TESMIN: variants seen among roughly 807,000 people sequenced by gnomAD.
TESMIN encodes the protein CXC domain containing 2.
A neutral mutation model predicts 47.4 loss-of-function variants in TESMIN; 34 were observed. The observed-to-expected ratio is 0.72, with a 90% CI of 0.55 to 0.96. TESMIN has a LOEUF of 0.96. TESMIN is among the 40% of genes least tolerant of loss of function. TESMIN has a pLI of 0.00. For missense variants in TESMIN, 610 were observed against 637.2 expected (o/e 0.96, Z 0.46); for synonymous variants, 278 against 258.9 (o/e 1.07, Z -0.71).
chr11:68,750,403 GC>G lies in TESMIN; in HGVS notation c.257del (p.Gly86AlafsTer70). 6.6e-7 allele frequency: 1 copy of G among 1,519,466 alleles called. No individual in the cohort carries two copies. Among genetic ancestry groups the G allele is most frequent in the South Asian group, 1.2e-5 (1 of 80,684 alleles). The allele number at this position is 1,519,466 out of a possible 1,614,324, so 94.1% of individuals were successfully genotyped here. ...KGQVKAKLAG[G>X]DSDGGELLGE... Reference sequence around the variant, plus strand: ...CGAGGAGCTCCCCGCCGTCGCTGTCGCCCCCCGCGAGCTTCGCCTTGACCTG... The same window carrying G: ...CGAGGAGCTCCCCGCCGTCGCTGTCGCCCCCGCGAGCTTCGCCTTGACCTG... On this transcript the variant is annotated frameshift_variant, in exon 2 of 10. Transcript: ENST00000255087. LOFTEE classifies it high-confidence loss of function.
At chr11:68,747,013 A>G in intron 3 of TESMIN, 195 bp downstream of exon 3, 1 of 609,280 alleles carries the variant, frequency 1.6e-6, no homozygotes. Context: ...ATTTGCTAAG[A>G]TGGAGTAGAA....
At chr11:68,737,361 T>C in intron 6 of TESMIN, 1 of 985,502 alleles carries the variant, frequency 1.0e-6, no homozygotes, top group Non-Finnish European at 1.2e-6. Context: ...GAAGCAGCGG[T>C]GCCCAGGAGC....
chr11:68,738,017 G>T lies in TESMIN; in HGVS notation c.917+683C>A, dbSNP rs182920513. ...GCTGATCTCCATAATCAACTACAGGGCTCAACGAATGGAGAGGGTTGCCCA... is the reference window on the plus strand; with the variant it reads ...GCTGATCTCCATAATCAACTACAGGTCTCAACGAATGGAGAGGGTTGCCCA... On this transcript the variant is annotated intron_variant, in intron 6 of 9. Coordinates refer to ENST00000255087, the MANE Select transcript of TESMIN (RefSeq NM_004923.3). 911 of 985,512 alleles carry T rather than the reference G, an allele frequency of 9.2e-4. 1 individual carries two copies. The highest frequency in any genetic ancestry group is 1.1e-3 in the Non-Finnish European group (892 of 829,996). The allele number at this position is 985,512 out of a possible 1,614,324, so 61.0% of individuals were successfully genotyped here. A position where few individuals can be genotyped will look rare whatever the true frequency, so the allele number is the denominator to read the frequency against.
chr11:68,750,802 CCAGGGGAGGGGACCAGGTGAGGGG>C, intron 1 of TESMIN, 103 bp from the exon 2 acceptor site: 1 of 76,748 alleles, frequency 1.3e-5, no homozygotes, highest in Non-Finnish European at 2.2e-5. Flanking sequence ...GGAGGGGCGG[CCAGGGGAGGGGACCAGGTGAGGGG>C]CGGCTAGGGG....
At position 68,736,165 on chromosome 11, in the gene TESMIN, A is replaced by T. The variant is rs1946384653; in HGVS notation, c.917+2535T>A. 7 of 985,256 alleles carry T rather than the reference A, an allele frequency of 7.1e-6. No homozygotes were observed. In the South Asian group the frequency reaches 3.3e-4, roughly 46 times the overall value. The allele number at this position is 985,256 out of a possible 1,614,324, so 61.0% of individuals were successfully genotyped here. A position where few individuals can be genotyped will look rare whatever the true frequency, so the allele number is the denominator to read the frequency against. On this transcript the variant is annotated intron_variant, in intron 6 of 9. Transcript: ENST00000255087. ...AATATTCTTTATTATGATGTTCATT[A>T]TGTTACTAAAACCAGTAGCATCAAC... is the stretch of plus-strand genomic sequence containing the variant.
At chr11:68,728,980 T>C (rs560519778) in intron 6 of TESMIN, among the ~76,000 whole-genome samples, 7 of 152,222 alleles carry the variant, frequency 4.6e-5, no homozygotes, top group Non-Finnish European at 1.0e-4. Context: ...GAGATTAATA[T>C]TGTTCTCATG....
intron 7 of TESMIN, among the ~76,000 whole-genome samples, chr11:68,714,923 T>G (rs2153990841): frequency 6.6e-6 from 1 of 152,364 alleles, no homozygotes; most frequent in African/African-American, 2.4e-5. Flanking sequence ...CAGTTTTAAC[T>G]GTAGATAGTA....
At chr11:68,723,285 A>G (rs1253359353) in intron 6 of TESMIN, among the ~76,000 whole-genome samples, 1 of 151,948 alleles carries the variant, frequency 6.6e-6, no homozygotes, top group African/African-American at 2.4e-5. Context: ...ATGTATATAT[A>G]ATACAAATGT....
In TESMIN at chr11:68,713,344, C is replaced by T. The variant is rs1308589953; in HGVS notation, c.1084G>A (p.Val362Ile). 2.5e-6 allele frequency: 4 copies of T among 1,614,066 alleles called. No individual in the cohort carries two copies. In the African/African-American group the frequency reaches 5.3e-5, roughly 22 times the overall value. ...PKIGKGQLGN[V>I]KPQHNKGCNC... is the part of the protein sequence containing the mutation. ...CACCCTTTGTTGTGCTGGGGCTTGACATTGCCCAATTGGCCCTTCCCAATT... is the reference window on the plus strand; with the variant it reads ...CACCCTTTGTTGTGCTGGGGCTTGATATTGCCCAATTGGCCCTTCCCAATT... The change falls in exon 8 of 10, where the codon GTC becomes ATC. Residue 362 changes from valine to isoleucine, a missense_variant. Transcript: ENST00000255087.
In TESMIN at chr11:68,736,710, CAT is replaced by C. The variant is rs571115523; in HGVS notation, c.917+1988_917+1989del. ...TTGTAACATTCAAAATAAAGAAAAA[CAT>C]GTGACTGATTGAAAATAATCTAGTA... On this transcript the variant is annotated intron_variant, in intron 6 of 9. Transcript: ENST00000255087. 7,287 of 980,134 alleles carry C rather than the reference CAT, an allele frequency of 7.4e-3. 25 individuals carry two copies. Among genetic ancestry groups the C allele is most frequent in the Middle Eastern group, 0.017 (32 of 1,914 alleles). 60.7% of individuals were successfully genotyped at this position (980,134 alleles called of 1,614,324 possible). A position where few individuals can be genotyped will look rare whatever the true frequency, so the allele number is the denominator to read the frequency against.
In TESMIN at chr11:68,714,130, T is replaced by A. The variant is rs376670707; in HGVS notation, c.1021-723A>T. 2.6e-5 allele frequency among the ~76,000 whole-genome samples: 4 copies of A among 152,230 alleles called. No individual in the cohort carries two copies. The East Asian group carries it at 7.7e-4, about 29-fold the overall frequency. On this transcript the variant is annotated intron_variant, in intron 7 of 9. Transcript: ENST00000255087. Reference sequence around the variant, plus strand: ...TCAACGCTCTTTGTAAAAATTCAAATACAGAGGTCACAGTGGAAGTCTGTG... The same window carrying A: ...TCAACGCTCTTTGTAAAAATTCAAAAACAGAGGTCACAGTGGAAGTCTGTG...
At chr11:68,741,352 A>C (rs975917719) in intron 5 of TESMIN, among the ~76,000 whole-genome samples, 4 of 152,152 alleles carry the variant, frequency 2.6e-5, no homozygotes, top group African/African-American at 9.7e-5. Flanking sequence ...CACAGAGCTC[A>C]TTCCCTCATC....
intron 6 of TESMIN, among the ~76,000 whole-genome samples, chr11:68,716,842 C>A (rs1946145513): frequency 6.6e-6 from 1 of 152,250 alleles, no homozygotes; most frequent in South Asian, 2.1e-4. Flanking sequence ...CCCCAGAGAG[C>A]CACCCCATGG....
At chr11:68,740,426 T>A (rs1946442323) in intron 5 of TESMIN, among the ~76,000 whole-genome samples, 1 of 151,454 alleles carries the variant, frequency 6.6e-6, no homozygotes, top group African/African-American at 2.4e-5. Flanking sequence ...CAAGGAAAGG[T>A]GGGGGAAGGT....
chr11:68,737,896 G>A, intron 6 of TESMIN: 2 of 958,796 alleles, frequency 2.1e-6, no homozygotes, highest in Non-Finnish European at 2.5e-6. Context: ...CTGGGTGACA[G>A]AGCAAGAGTC....
In TESMIN at chr11:68,742,345, T is replaced by TG; in HGVS notation, c.800dup (p.Thr268AsnfsTer11). 6.2e-7 allele frequency: 1 copy of TG among 1,603,050 alleles called. No homozygotes were observed. On this transcript the variant is annotated frameshift_variant, in exon 5 of 10. Transcript: ENST00000255087. LOFTEE classifies it high-confidence loss of function. ...GTTGTGTAATGAGATTTAATTTTGTTGATGCTGGCAAAAATCTCCCTACTA... is the reference window on the plus strand; with the variant it reads ...GTTGTGTAATGAGATTTAATTTTGTTGGATGCTGGCAAAAATCTCCCTACTA...
intron 6 of TESMIN, among the ~76,000 whole-genome samples, chr11:68,722,647 T>C (rs1023715291): frequency 3.9e-5 from 6 of 152,186 alleles, no homozygotes; most frequent in East Asian, 3.9e-4. Context: ...AATTCAGCTA[T>C]ATTTAACCTA....
At chr11:68,743,496 G>T (rs1049212087) in intron 4 of TESMIN, among the ~76,000 whole-genome samples, 2 of 151,976 alleles carry the variant, frequency 1.3e-5, no homozygotes, top group South Asian at 4.2e-4. Context: ...TGATTCACCT[G>T]CCTCAGCCTC....
At position 68,715,888 on chromosome 11, in the gene TESMIN, A is replaced by G; in HGVS notation, c.969T>C (p.Asn323=). ...CATGATGCAAGTTGTTGCAACAATT[A>G]TTACAATTGCAGTTGTTGCAAAAGT... ...SGDFCNNCNC[N]NCCNNLHHDI... Residue 323 remains asparagine, a synonymous_variant, in exon 7 of 10, where the codon AAT becomes AAC. Transcript: ENST00000255087. 6.2e-7 allele frequency: 1 copy of G among 1,613,732 alleles called. No homozygotes were observed. Among genetic ancestry groups the G allele is most frequent in the East Asian group, 2.2e-5 (1 of 44,886 alleles).
Sources: allele counts gnomAD v4.1 joint callset (sites outside exome capture counted in the v4.1 genomes callset), GRCh38; gene constraint gnomAD v4.1.1; transcripts MANE v1.5; gene names NCBI Gene and HGNC (gene_info 2026-07-23, HGNC 2026-07-21).